The following CRIM1 variants were observed in gnomAD, a reference collection of about 807,000 sequenced individuals.
CRIM1 encodes the protein cysteine rich transmembrane BMP regulator 1.
In CRIM1, 32 loss-of-function variants were observed where a neutral mutation model predicts 116.4. The ratio of observed to expected loss-of-function variants is 0.27; its 90% CI spans 0.21 to 0.37. The LOEUF is 0.37. Among genes scored for constraint, CRIM1 ranks in the 10% least tolerant of loss-of-function variants. CRIM1 has a pLI of 1.00. For synonymous variants in CRIM1, 590 were observed against 509.2 expected (o/e 1.16, Z -2.13); for missense variants, 1,331 against 1,354.8 (o/e 0.98, Z 0.28).
chr2:36,422,519 A>G (rs993051304), intron 2 of CRIM1, among the ~76,000 whole-genome samples: 1 of 152,138 alleles, frequency 6.6e-6, no homozygotes, highest in Non-Finnish European at 1.5e-5. Context: ...GGTGTTTGTA[A>G]GAGTTATTTC....
intron 4 of CRIM1, 96 bp downstream of exon 4, chr2:36,442,831 T>G: frequency 7.2e-7 from 1 of 1,393,058 alleles, no homozygotes; most frequent in Non-Finnish European, 1.0e-6. Flanking sequence ...ATGAGAAACC[T>G]AGTCCTTTCC....
chr2:36,358,769 TA>T lies in CRIM1; in HGVS notation c.331+2157del, dbSNP rs3834157. On this transcript the variant is annotated intron_variant, in intron 1 of 16. Coordinates refer to ENST00000280527, the MANE Select transcript of CRIM1 (RefSeq NM_016441.3). ...TATTGTGTGTCCAGGGCACTTCCTT[TA>T]AAAAAAAAAATACTGAAAACAGCAG... Among the ~76,000 whole-genome samples the T allele has an allele frequency of 2.7e-3, 397 of 147,906 alleles. 1 individual carries two copies. Among genetic ancestry groups the T allele is most frequent in the African/African-American group, 7.0e-3 (287 of 40,740 alleles).
chr2:36,412,235 G>A (rs1558555146), intron 2 of CRIM1, among the ~76,000 whole-genome samples: 1 of 151,924 alleles, frequency 6.6e-6, no homozygotes, highest in South Asian at 2.1e-4. Context: ...GTAAGCAAAA[G>A]GGGAGTAGCT....
chr2:36,471,302 T>G (rs1678494387), intron 5 of CRIM1, among the ~76,000 whole-genome samples: 1 of 152,150 alleles, frequency 6.6e-6, no homozygotes, highest in South Asian at 2.1e-4. Flanking sequence ...TTGAAACAAG[T>G]TCTACTGTAA....
intron 2 of CRIM1, among the ~76,000 whole-genome samples, chr2:36,437,031 T>C (rs1285425493): frequency 2.0e-5 from 3 of 152,204 alleles, no homozygotes; most frequent in Non-Finnish European, 4.4e-5. Flanking sequence ...CTTTAAGAAA[T>C]GTGTTTGTTA....
At chr2:36,359,940 G>A (rs1361980974) in intron 1 of CRIM1, among the ~76,000 whole-genome samples, 1 of 152,162 alleles carries the variant, frequency 6.6e-6, no homozygotes, top group Non-Finnish European at 1.5e-5. Context: ...TCTTGGCCAG[G>A]CTGCCTGCCT....
chr2:36,490,133 G>GC (rs1159171498), intron 7 of CRIM1, among the ~76,000 whole-genome samples: 3 of 152,124 alleles, frequency 2.0e-5, no homozygotes, highest in Non-Finnish European at 4.4e-5. Context: ...CTATTTATCA[G>GC]CTGTGCATTT....
At chr2:36,545,488 A>C (rs945687248) in intron 15 of CRIM1, among the ~76,000 whole-genome samples, 3 of 152,174 alleles carry the variant, frequency 2.0e-5, no homozygotes, top group Non-Finnish European at 4.4e-5. Flanking sequence ...CATAGTATCT[A>C]TGTTATAAAG....
intron 7 of CRIM1, among the ~76,000 whole-genome samples, chr2:36,488,288 C>T (rs918845909): frequency 2.0e-5 from 3 of 152,182 alleles, no homozygotes; most frequent in Admixed American, 6.5e-5. Context: ...GGGAAATGTC[C>T]ATTAAAGAAC....
Position 36,548,836 on chromosome 2 carries a change from G to C in CRIM1, c.*135G>C, listed in dbSNP as rs1667543137. The C allele has an allele frequency of 4.7e-6, 3 of 640,610 alleles. No individual in the cohort carries two copies. The South Asian group carries it at 7.7e-5, about 17-fold the overall frequency. 39.7% of individuals were successfully genotyped at this position (640,610 alleles called of 1,614,324 possible). ...TGATGTACAGCGCTAAGACCTTACT[G>C]GGATGGGCTCTGTCTACAGCAATGT... is the stretch of plus-strand genomic sequence containing the variant. On this transcript the variant is annotated 3_prime_UTR_variant, in exon 17 of 17. Coordinates refer to ENST00000280527, the MANE Select transcript of CRIM1 (RefSeq NM_016441.3).
chr2:36,405,357 C>T (rs1300036766), intron 2 of CRIM1, among the ~76,000 whole-genome samples: 1 of 152,154 alleles, frequency 6.6e-6, no homozygotes, highest in Non-Finnish European at 1.5e-5. Context: ...AAGAAACCTG[C>T]TGCCATTGCA....
intron 4 of CRIM1, among the ~76,000 whole-genome samples, chr2:36,456,213 T>G (rs958473248): frequency 6.6e-6 from 1 of 152,152 alleles, no homozygotes; most frequent in African/African-American, 2.4e-5. Context: ...ATATAAAAGC[T>G]TCCCTAAACT....
intron 16 of CRIM1, among the ~76,000 whole-genome samples, chr2:36,547,640 C>T (rs1024492110): frequency 1.3e-5 from 2 of 151,980 alleles, no homozygotes; most frequent in African/African-American, 4.8e-5. Flanking sequence ...GTCAGTGCAC[C>T]AAAGGCAAGC....
In CRIM1 at chr2:36,550,880, G is replaced by A. The variant is rs1667727525; in HGVS notation, c.*2179G>A. 1.3e-5 allele frequency: 2 copies of A among 152,390 alleles called. No individual in the cohort carries two copies. Among genetic ancestry groups the A allele is most frequent in the South Asian group, 4.2e-4 (2 of 4,810 alleles). The allele number at this position is 152,390 out of a possible 1,614,324, so 9.4% of individuals were successfully genotyped here. On this transcript the variant is annotated 3_prime_UTR_variant, in exon 17 of 17. Transcript: ENST00000280527. ...ATTATGAAAATACTAACAGGATATA[G>A]GACAAGGTGTAAATTTTTTTATTAT...
At chr2:36,401,841 T>A (rs1015918706) in intron 2 of CRIM1, among the ~76,000 whole-genome samples, 3 of 152,196 alleles carry the variant, frequency 2.0e-5, no homozygotes, top group African/African-American at 4.8e-5. Context: ...AGCAAGTATT[T>A]ATGAAATGCC....
At chr2:36,532,866 C>G (rs1666211693) in intron 13 of CRIM1, among the ~76,000 whole-genome samples, 1 of 152,162 alleles carries the variant, frequency 6.6e-6, no homozygotes, top group Admixed American at 6.5e-5. Context: ...AACACAGGGC[C>G]TGGTATGTAG....
chr2:36,536,403 G>A (rs535934447), intron 13 of CRIM1, among the ~76,000 whole-genome samples: 13 of 152,138 alleles, frequency 8.5e-5, no homozygotes, highest in East Asian at 5.8e-4. Flanking sequence ...AGTGAGTGGC[G>A]CTGCTTGTAG....
At chr2:36,475,736 A>G (rs1037533267) in intron 5 of CRIM1, among the ~76,000 whole-genome samples, 1 of 152,208 alleles carries the variant, frequency 6.6e-6, no homozygotes, top group African/African-American at 2.4e-5. Context: ...GCCATTTATC[A>G]AGTTGAGGAA....
At chr2:36,445,415 C>T (rs923043018) in intron 4 of CRIM1, among the ~76,000 whole-genome samples, 7 of 152,180 alleles carry the variant, frequency 4.6e-5, no homozygotes, top group South Asian at 2.1e-4. Flanking sequence ...TTAATTTCTC[C>T]TCTGTCCACG....
Sources: allele counts gnomAD v4.1 joint callset (sites outside exome capture counted in the v4.1 genomes callset), GRCh38; gene constraint gnomAD v4.1.1; transcripts MANE v1.5; gene names NCBI Gene and HGNC (gene_info 2026-07-23, HGNC 2026-07-21).